KDM5A: variants seen among roughly 807,000 people sequenced by gnomAD.
KDM5A encodes the protein lysine-specific demethylase 5A.
A neutral mutation model predicts 193.5 loss-of-function variants in KDM5A; 42 were observed. That is an observed-to-expected ratio of 0.22 (90% CI 0.17 to 0.28). The LOEUF (loss-of-function observed/expected upper bound fraction) is 0.28. Among genes scored for constraint, KDM5A ranks in the 10% least tolerant of loss-of-function variants. The pLI is 1.00. For missense variants in KDM5A, 1,692 were observed against 2,055.1 expected (o/e 0.82, Z 3.42); for synonymous variants, 796 against 718.1 (o/e 1.11, Z -1.73).
At position 323,664 on chromosome 12, in the gene KDM5A, G is replaced by T; in HGVS notation, c.2086C>A (p.Arg696=). The T allele has an allele frequency of 6.2e-7, 1 of 1,614,090 alleles. No individual in the cohort carries two copies. Among genetic ancestry groups the T allele is most frequent in the Non-Finnish European group, 8.5e-7 (1 of 1,179,978 alleles). The change falls in exon 15 of 28, where the codon CGG becomes AGG. Residue 696 remains arginine, a synonymous_variant. Transcript: ENST00000399788. ...SALTCSCNPE[R]LVCLYHPTDL... is the part of the protein sequence containing the mutation. ...GTTGGATGGTAGAGACATACAAGCC[G>T]CTCAGGATTACAGGAACATGTGAGA... is the stretch of plus-strand genomic sequence containing the variant.
intron 20 of KDM5A, among the ~76,000 whole-genome samples, chr12:311,915 T>C (rs552625822): frequency 7.9e-5 from 12 of 152,248 alleles, no homozygotes; most frequent in African/African-American, 2.6e-4. Context: ...GCGCCTGTAG[T>C]CCCAGCTACT....
At chr12:308,045 A>C in intron 22 of KDM5A, 40 bp from the exon 23 acceptor site, 2 of 1,575,310 alleles carry the variant, frequency 1.3e-6, no homozygotes, top group South Asian at 2.2e-5. Flanking sequence ...AGTCACTGCA[A>C]TATACCCCCC....
intron 10 of KDM5A, among the ~76,000 whole-genome samples, chr12:336,454 A>C (rs980607130): frequency 1.3e-5 from 2 of 152,164 alleles, no homozygotes; most frequent in African/African-American, 4.8e-5. Flanking sequence ...ATCTATTCCT[A>C]AAGTTCAACA....
At position 389,181 on chromosome 12, in the gene KDM5A, C is replaced by G. The variant is rs959491971; in HGVS notation, c.-90G>C. ...CACTAAGCCCGTTCAAGTCCCCTGA[C>G]AGAGGCCGAAGCGCATCTTCGCGGA... On this transcript the variant is annotated 5_prime_UTR_variant, in exon 1 of 28. Transcript: ENST00000399788. 2 of 1,238,450 alleles carry G rather than the reference C, an allele frequency of 1.6e-6. No individual in the cohort carries two copies. Among genetic ancestry groups the G allele is most frequent in the Admixed American group, 1.7e-5 (1 of 59,174 alleles). The allele number at this position is 1,238,450 out of a possible 1,614,324, so 76.7% of individuals were successfully genotyped here. A position where few individuals can be genotyped will look rare whatever the true frequency, so the allele number is the denominator to read the frequency against.
Position 307,987 on chromosome 12 carries a change from G to A in KDM5A, c.3397C>T (p.Arg1133Trp), listed in dbSNP as rs758950047. ...ATGGCTTCAATCTCTTTTTGCTCCC[G>A]TTCTTTGAAAACTGCCACCTGTACA... ...TAMVVAVFKE[R>W]EQKEIEAMHS... Residue 1133 changes from arginine to tryptophan, a missense_variant, in exon 23 of 28, where the codon CGG becomes TGG. By Grantham distance (101) the Arg-to-Trp change is moderately radical. Coordinates refer to ENST00000399788, the MANE Select transcript of KDM5A (RefSeq NM_001042603.3). The surrounding 1 kb of genome is among the most constrained non-coding windows in gnomAD (Gnocchi z 4.3). 4.3e-6 allele frequency: 7 copies of A among 1,613,974 alleles called. No homozygotes were observed. The highest frequency in any genetic ancestry group is 1.7e-5 in the Admixed American group (1 of 60,006).
chr12:360,540 T>C (rs1175232260), intron 5 of KDM5A, among the ~76,000 whole-genome samples: 1 of 152,164 alleles, frequency 6.6e-6, no homozygotes, highest in Non-Finnish European at 1.5e-5. Context: ...AACATATACA[T>C]GACCAGAGAT....
chr12:318,703 T>G (rs910191367), intron 18 of KDM5A, among the ~76,000 whole-genome samples: 5 of 152,228 alleles, frequency 3.3e-5, no homozygotes, highest in African/African-American at 1.2e-4. Flanking sequence ...GACTGCTGAC[T>G]TAGATGCAGG....
Position 307,105 on chromosome 12 carries a change from T to A in KDM5A, c.3931-16A>T. ...GTAAGTGTCCCTAAACAACAAATAA[T>A]TCCAAGATGAACAGCAAGACATGCT... On this transcript the variant is annotated splice_polypyrimidine_tract_variant and intron_variant, in intron 23 of 27. Coordinates refer to ENST00000399788, the MANE Select transcript of KDM5A (RefSeq NM_001042603.3). The surrounding 1 kb of genome is among the most constrained non-coding windows in gnomAD (Gnocchi z 4.3). 6.2e-7 allele frequency: 1 copy of A among 1,614,016 alleles called. No individual in the cohort carries two copies. The highest frequency in any genetic ancestry group is 1.3e-5 in the African/African-American group (1 of 75,016).
chr12:348,610 A>G lies in KDM5A; in HGVS notation c.1308+2011T>C, dbSNP rs1013365583. On this transcript the variant is annotated intron_variant, in intron 10 of 27. Coordinates refer to ENST00000399788, the MANE Select transcript of KDM5A (RefSeq NM_001042603.3). The stretch of plus-strand genomic sequence containing the variant: ...AAAACGATGAGTTCATGTCCTTTGC[A>G]GGGACATGGATGAAGCTGGAAACCA... Among the ~76,000 whole-genome samples the G allele has an allele frequency of 3.3e-5, 5 of 152,314 alleles. 1 individual carries two copies. Among genetic ancestry groups the G allele is most frequent in the Admixed American group, 3.3e-4 (5 of 15,288 alleles).
Position 357,827 on chromosome 12 carries a change from C to CAAAAAAAAAAAAAAAAAA in KDM5A, c.673-1308_673-1291dup, listed in dbSNP as rs61577928. ...TGGGCGACAGAGCAAGACTCAGTCT[C>CAAAAAAAAAAAAAAAAAA]AAAAAAAAAAAAAAAAAAAAAAAAA... On this transcript the variant is annotated intron_variant, in intron 5 of 27. Transcript: ENST00000399788. 2.3e-4 allele frequency among the ~76,000 whole-genome samples: 7 copies of CAAAAAAAAAAAAAAAAAA among 29,866 alleles called. 1 individual carries two copies. Among genetic ancestry groups the CAAAAAAAAAAAAAAAAAA allele is most frequent in the African/African-American group, 1.0e-3 (5 of 4,978 alleles). 19.6% of individuals were successfully genotyped at this position (29,866 alleles called of 152,430 possible).
In KDM5A at chr12:352,341, T is replaced by C. The variant is rs1944173359; in HGVS notation, c.1030-17A>G. 9 of 1,611,290 alleles carry C rather than the reference T, an allele frequency of 5.6e-6. No individual in the cohort carries two copies. The highest frequency in any genetic ancestry group is 7.6e-6 in the Non-Finnish European group (9 of 1,177,476). On this transcript the variant is annotated splice_polypyrimidine_tract_variant and intron_variant, in intron 8 of 27. Coordinates refer to ENST00000399788, the MANE Select transcript of KDM5A (RefSeq NM_001042603.3). ...GCTACATTCCTGGAAAGAAAAAATA[T>C]GTAAGATTAACTTACTGAAACTAAA... is the stretch of plus-strand genomic sequence containing the variant.
chr12:382,708 C>T (rs1944589584), intron 3 of KDM5A, among the ~76,000 whole-genome samples: 1 of 152,032 alleles, frequency 6.6e-6, no homozygotes, highest in African/African-American at 2.4e-5. Flanking sequence ...TCAAGGTGAG[C>T]GGATCACGAG....
chr12:363,928 T>C (rs565308658), intron 4 of KDM5A, among the ~76,000 whole-genome samples: 53 of 152,162 alleles, frequency 3.5e-4, no homozygotes, highest in Non-Finnish European at 7.4e-4. Context: ...AAAAAAGATC[T>C]GAACAGACAC....
intron 10 of KDM5A, among the ~76,000 whole-genome samples, chr12:349,496 A>C (rs1944122929): frequency 6.6e-6 from 1 of 150,524 alleles, no homozygotes; most frequent in Non-Finnish European, 1.5e-5. Context: ...TACTCGGCTA[A>C]TTTTTGTATT....
At chr12:324,314 G>A (rs1427622106) in intron 14 of KDM5A, among the ~76,000 whole-genome samples, 3 of 152,120 alleles carry the variant, frequency 2.0e-5, no homozygotes, top group East Asian at 1.9e-4. Context: ...AAAAGAATGC[G>A]ATTACCACAA....
At chr12:305,112 A>T (rs1943488904) in intron 24 of KDM5A, among the ~76,000 whole-genome samples, 1 of 152,198 alleles carries the variant, frequency 6.6e-6, no homozygotes, top group Non-Finnish European at 1.5e-5. Context: ...AATGGGATTT[A>T]GCAGTACACT....
intron 4 of KDM5A, among the ~76,000 whole-genome samples, chr12:364,830 T>C (rs1591933644): frequency 6.7e-6 from 1 of 148,930 alleles, no homozygotes. Context: ...ACTTACTATA[T>C]AACCCAGCAA....
At chr12:309,703 G>C (rs1462738435) in intron 22 of KDM5A, 100 bp downstream of exon 22, 2 of 1,273,122 alleles carry the variant, frequency 1.6e-6, no homozygotes, top group Non-Finnish European at 2.3e-6. Flanking sequence ...CAAAGTATAT[G>C]AAAATAAAAA....
At chr12:286,276 A>T (rs1565521262) in intron 27 of KDM5A, 4 of 451,678 alleles carry the variant, frequency 8.9e-6, no homozygotes, top group Admixed American at 8.0e-5. Flanking sequence ...TCAAAGACAC[A>T]GGTCAATAGA....
Sources: allele counts gnomAD v4.1 joint callset (sites outside exome capture counted in the v4.1 genomes callset), GRCh38; gene constraint gnomAD v4.1.1; non-coding constraint Gnocchi (gnomAD v3.1); transcripts MANE v1.5; gene names NCBI Gene and HGNC (gene_info 2026-07-23, HGNC 2026-07-21).